The following TBC1D4 variants were observed in gnomAD, a reference collection of about 807,000 sequenced individuals.
The protein encoded by TBC1D4 is TBC1 domain family member 4.
TBC1D4 carries 121 observed loss-of-function variants against 142.5 expected under a neutral mutation model. That is an observed-to-expected ratio of 0.85 (90% CI 0.73 to 0.99). The LOEUF (loss-of-function observed/expected upper bound fraction) is 0.99. Among genes scored for constraint, TBC1D4 ranks in the 50% least tolerant of loss-of-function variants. TBC1D4 has a pLI of 0.00. For missense variants in TBC1D4, 1,475 were observed against 1,606.6 expected (o/e 0.92, Z 1.40); for synonymous variants, 630 against 628.2 (o/e 1.00, Z -0.04).
chr13:75,458,268 C>T (rs542969131), intron 1 of TBC1D4, among the ~76,000 whole-genome samples: 5 of 152,114 alleles, frequency 3.3e-5, no homozygotes, highest in Admixed American at 3.3e-4. Flanking sequence ...TTCGGCTGTC[C>T]CCTGGCCAAT....
intron 1 of TBC1D4, among the ~76,000 whole-genome samples, chr13:75,478,883 A>C (rs1888721919): frequency 1.3e-5 from 2 of 152,266 alleles, no homozygotes; most frequent in South Asian, 4.1e-4. Flanking sequence ...GCCAAAGATC[A>C]AAAGTGGCCG....
rs780927626 is a variant in TBC1D4 at position 75,341,579 on chromosome 13, G to A, written c.1417C>T (p.Pro473Ser). Reference sequence around the variant, plus strand: ...TGTATCACCAGCTTGGCTCTTGGTGGGTAGAGACCTAAGGAAAATGATGAG... The same window carrying A: ...TGTATCACCAGCTTGGCTCTTGGTGAGTAGAGACCTAAGGAAAATGATGAG... ...KLCERIEGLY[P>S]PRAKLVIQRH... Residue 473 changes from proline (P) to serine (S), a missense_variant, in exon 6 of 21, where the codon CCA (proline) becomes TCA (serine). By Grantham distance (74) the Pro-to-Ser change is moderately conservative. Transcript: ENST00000377636. 1 of 1,613,696 alleles carries A rather than the reference G, an allele frequency of 6.2e-7. No homozygotes were observed. The highest frequency in any genetic ancestry group is 1.7e-5 in the Admixed American group (1 of 59,994).
chr13:75,351,237 C>T (rs966054660), intron 4 of TBC1D4, among the ~76,000 whole-genome samples: 8 of 152,086 alleles, frequency 5.3e-5, no homozygotes, highest in Non-Finnish European at 1.2e-4. Context: ...ATATATCAAA[C>T]TTACATATTT....
intron 1 of TBC1D4, among the ~76,000 whole-genome samples, chr13:75,379,306 T>C (rs958266297): frequency 4.6e-5 from 7 of 152,032 alleles, no homozygotes; most frequent in African/African-American, 1.7e-4. Context: ...TCTAAAAAAG[T>C]ACATCTCTAG....
chr13:75,319,713 T>G (rs915168109), intron 12 of TBC1D4, among the ~76,000 whole-genome samples: 1 of 152,218 alleles, frequency 6.6e-6, no homozygotes, highest in Non-Finnish European at 1.5e-5. Context: ...GCAAATCCAC[T>G]TCTATTAATT....
intron 12 of TBC1D4, among the ~76,000 whole-genome samples, chr13:75,317,004 T>C (rs1465709478): frequency 6.6e-6 from 1 of 152,202 alleles, no homozygotes; most frequent in Non-Finnish European, 1.5e-5. Context: ...CGAGTATGAA[T>C]TAATTTCATC....
In TBC1D4 at chr13:75,339,038, C is replaced by T. The variant is rs114964973; in HGVS notation, c.1612-1998G>A. Among the ~76,000 whole-genome samples the T allele has an allele frequency of 5.0e-3, 756 of 152,294 alleles. 6 individuals are homozygous for T. The highest frequency in any genetic ancestry group is 0.017 in the African/African-American group (697 of 41,566). ...TCTGAGTCAAATAAATGCTTCAAGA[C>T]GAATTATTCAAGCTATTTATGTACC... On this transcript the variant is annotated intron_variant, in intron 7 of 20. Transcript: ENST00000377636.
At chr13:75,309,482 T>C (rs1877522469) in intron 14 of TBC1D4, among the ~76,000 whole-genome samples, 1 of 152,122 alleles carries the variant, frequency 6.6e-6, no homozygotes, top group Admixed American at 6.5e-5. Context: ...ACAATGTAAG[T>C]AGGATTTACT....
chr13:75,458,301 C>T (rs571995833), intron 1 of TBC1D4, among the ~76,000 whole-genome samples: 4 of 152,228 alleles, frequency 2.6e-5, no homozygotes, highest in African/African-American at 9.6e-5. Context: ...CACCCCCAGC[C>T]GAACTCTCAA....
chr13:75,355,592 C>A (rs1881978063), intron 4 of TBC1D4, among the ~76,000 whole-genome samples: 1 of 152,082 alleles, frequency 6.6e-6, no homozygotes, highest in Non-Finnish European at 1.5e-5. Flanking sequence ...ATGCCTTGAA[C>A]TCCAATTACC....
chr13:75,346,896 A>T (rs1250687217), intron 5 of TBC1D4, among the ~76,000 whole-genome samples: 2 of 152,222 alleles, frequency 1.3e-5, no homozygotes, highest in Non-Finnish European at 2.9e-5. Flanking sequence ...ACATAGTTCA[A>T]ATTCATTCCT....
intron 1 of TBC1D4, among the ~76,000 whole-genome samples, chr13:75,394,591 A>G (rs368629277): frequency 4.0e-3 from 470 of 118,812 alleles, no homozygotes; most frequent in African/African-American, 0.012. Context: ...TTGCCAAAAT[A>G]TAAACCTTAT....
chr13:75,411,231 C>T (rs1391244331), intron 1 of TBC1D4, among the ~76,000 whole-genome samples: 1 of 152,044 alleles, frequency 6.6e-6, no homozygotes, highest in East Asian at 1.9e-4. Flanking sequence ...AAATGAAATA[C>T]ATAATAAAAT....
chr13:75,370,423 A>G (rs1195411918), intron 1 of TBC1D4, among the ~76,000 whole-genome samples: 1 of 152,188 alleles, frequency 6.6e-6, no homozygotes, highest in Non-Finnish European at 1.5e-5. Context: ...GACAAGGGTA[A>G]TGGGCAGGTG....
chr13:75,459,924 C>T (rs1160305921), intron 1 of TBC1D4, among the ~76,000 whole-genome samples: 7 of 152,094 alleles, frequency 4.6e-5, no homozygotes, highest in Admixed American at 1.3e-4. Context: ...GGGCGGATCA[C>T]GAGGTCAGGA....
rs111629817 is a variant in TBC1D4, at chr13:75,391,195, TACACAC to T, written c.499-28594_499-28589del. Among the ~76,000 whole-genome samples, 877 of 142,014 alleles carry T rather than the reference TACACAC, an allele frequency of 6.2e-3. 12 individuals are homozygous for T. Among genetic ancestry groups the T allele is most frequent in the African/African-American group, 0.021 (815 of 38,312 alleles). 93.2% of individuals were successfully genotyped at this position (142,014 alleles called of 152,430 possible). ...CTCTACTCTATCCTCCCCATCAGTTTACACACACACACACACACACACACACACACT... is the reference window on the plus strand; with the variant it reads ...CTCTACTCTATCCTCCCCATCAGTTTACACACACACACACACACACACACT... On this transcript the variant is annotated intron_variant, in intron 1 of 20. Coordinates refer to ENST00000377636, the MANE Select transcript of TBC1D4 (RefSeq NM_014832.5).
At chr13:75,347,670 G>A (rs1050042775) in intron 5 of TBC1D4, among the ~76,000 whole-genome samples, 3 of 152,140 alleles carry the variant, frequency 2.0e-5, no homozygotes, top group African/African-American at 7.2e-5. Flanking sequence ...TTTTGGGATG[G>A]CTAATTGATC....
Position 75,292,086 on chromosome 13 carries a change from A to C in TBC1D4, c.3486+16T>G, listed in dbSNP as rs778565067. 3.1e-6 allele frequency: 5 copies of C among 1,601,224 alleles called. No homozygotes were observed. The African/African-American group carries it at 6.7e-5, about 21-fold the overall frequency. Reference sequence around the variant, plus strand: ...GAGAAAACTGCTATATAATACTATTAGCATTTAAATCATACCTGGGTAATA... The same window carrying C: ...GAGAAAACTGCTATATAATACTATTCGCATTTAAATCATACCTGGGTAATA... On this transcript the variant is annotated intron_variant, in intron 19 of 20. Transcript: ENST00000377636.
chr13:75,444,341 G>T (rs1887181989), intron 1 of TBC1D4, among the ~76,000 whole-genome samples: 1 of 151,946 alleles, frequency 6.6e-6, no homozygotes, highest in Non-Finnish European at 1.5e-5. Context: ...TGCCCAGACT[G>T]GTCTCAAACT....
Sources: gnomAD v4.1 joint callset for allele counts (sites outside exome capture counted in the v4.1 genomes callset) on GRCh38, gnomAD v4.1.1 for gene constraint, MANE v1.5 for transcripts, NCBI Gene and HGNC (gene_info 2026-07-23, HGNC 2026-07-21) for gene names.